Variants in NSMCE2 observed in about 807,000 individuals in gnomAD.
NSMCE2 encodes NSE2 SUMO ligase component of SMC5/6 complex.
Under a neutral mutation model 23.8 loss-of-function variants are expected in NSMCE2, and 24 were observed. That is an observed-to-expected ratio of 1.01 (90% CI 0.73 to 1.42). The LOEUF is 1.42. NSMCE2 is among the 40% of genes most tolerant of loss of function. The pLI is 0.00. For missense variants in NSMCE2, 284 were observed against 296.5 expected, an observed-to-expected ratio of 0.96 and a Z score of 0.31; for synonymous variants, 92 against 94.1, an observed-to-expected ratio of 0.98 and a Z score of 0.13.
intron 4 of NSMCE2, among the ~76,000 whole-genome samples, chr8:125,178,165 T>A (rs1037056749): frequency 9.2e-5 from 14 of 152,192 alleles, no homozygotes; most frequent in Admixed American, 3.3e-4. Context: ...ACTCTCATTA[T>A]CACTTTACCC....
At chr8:125,309,108 A>G (rs566079347) in intron 5 of NSMCE2, among the ~76,000 whole-genome samples, 1 of 152,250 alleles carries the variant, frequency 6.6e-6, no homozygotes, top group African/African-American at 2.4e-5. Context: ...TTAGTTGGGC[A>G]TGGTGGCGCA....
chr8:125,201,191 T>C (rs1823857687), intron 5 of NSMCE2, among the ~76,000 whole-genome samples: 1 of 152,234 alleles, frequency 6.6e-6, no homozygotes, highest in Non-Finnish European at 1.5e-5. Context: ...AAAGTCATTC[T>C]CCGTCCAGGT....
chr8:125,176,242 C>A lies in NSMCE2; in HGVS notation c.265-5861C>A, dbSNP rs571658905. Among the ~76,000 whole-genome samples the A allele has an allele frequency of 4.6e-5, 7 of 152,292 alleles. No individual in the cohort carries two copies. The South Asian group carries it at 6.2e-4, about 14-fold the overall frequency. ...TTGGAGTCAGCCTTTGCGCATATGT[C>A]TGCTCTTGCTAGAGTCTCTAGTGAC... On this transcript the variant is annotated intron_variant, in intron 4 of 7. Coordinates refer to ENST00000287437, the MANE Select transcript of NSMCE2 (RefSeq NM_173685.4).
At chr8:125,145,250 G>A (rs1214921016) in intron 3 of NSMCE2, among the ~76,000 whole-genome samples, 2 of 152,168 alleles carry the variant, frequency 1.3e-5, no homozygotes, top group African/African-American at 4.8e-5. Flanking sequence ...TTGTGCTTGT[G>A]ACTGGGGTCA....
At chr8:125,340,320 A>G (rs73336867) in intron 5 of NSMCE2, among the ~76,000 whole-genome samples, 15,100 of 152,210 alleles carry the variant, frequency 0.099, 1,525 homozygotes, top group African/African-American at 0.26. Flanking sequence ...TTGTGAAACT[A>G]GGTTAAAATT....
chr8:125,268,492 G>A (rs76232854), intron 5 of NSMCE2, among the ~76,000 whole-genome samples: 7,837 of 152,226 alleles, frequency 0.051, 278 homozygotes, highest in Middle Eastern at 0.099. Context: ...TAAAGGAAAA[G>A]ATGGTATATT....
At chr8:125,133,729 CA>C (rs546512323) in intron 3 of NSMCE2, among the ~76,000 whole-genome samples, 1 of 148,786 alleles carries the variant, frequency 6.7e-6, no homozygotes, top group African/African-American at 2.5e-5. Flanking sequence ...GACTCCATCT[CA>C]AAAAAACAAA....
At chr8:125,168,294 A>C (rs1390805115) in intron 4 of NSMCE2, among the ~76,000 whole-genome samples, 1 of 152,184 alleles carries the variant, frequency 6.6e-6, no homozygotes, top group Non-Finnish European at 1.5e-5. Context: ...TTTCTGTGTT[A>C]TAAGCTGCAT....
intron 5 of NSMCE2, among the ~76,000 whole-genome samples, chr8:125,238,926 C>A (rs1825660731): frequency 6.6e-6 from 1 of 152,162 alleles, no homozygotes; most frequent in Non-Finnish European, 1.5e-5. Flanking sequence ...TATATTGTTA[C>A]AGAGCTGTTC....
chr8:125,338,420 C>A (rs4512390), intron 5 of NSMCE2, among the ~76,000 whole-genome samples: 1 of 152,220 alleles, frequency 6.6e-6, no homozygotes, highest in South Asian at 2.1e-4. Flanking sequence ...TCTCACTTTT[C>A]TTTTGAAAAG....
chr8:125,282,341 T>C (rs1233128572), intron 5 of NSMCE2, among the ~76,000 whole-genome samples: 1 of 152,214 alleles, frequency 6.6e-6, no homozygotes, highest in African/African-American at 2.4e-5. Flanking sequence ...CTCGAACTCC[T>C]GACCTCAAGT....
chr8:125,100,998 A>G (rs368023213), intron 1 of NSMCE2, among the ~76,000 whole-genome samples: 2 of 152,232 alleles, frequency 1.3e-5, no homozygotes, highest in African/African-American at 4.8e-5. Context: ...TTCTCATGCT[A>G]AAGGAAGTGC....
At chr8:125,195,172 C>T (rs1823556263) in intron 5 of NSMCE2, among the ~76,000 whole-genome samples, 1 of 152,050 alleles carries the variant, frequency 6.6e-6, no homozygotes, top group African/African-American at 2.4e-5. Context: ...CGGAGGTGCT[C>T]ACCCATCCCT....
chr8:125,121,735 A>ACC (rs1819272128), intron 3 of NSMCE2, among the ~76,000 whole-genome samples: 3 of 152,206 alleles, frequency 2.0e-5, no homozygotes, highest in Admixed American at 2.0e-4. Flanking sequence ...CTGGCATGTT[A>ACC]TAAATGCCTT....
intron 5 of NSMCE2, among the ~76,000 whole-genome samples, chr8:125,225,930 G>A (rs1825072962): frequency 6.6e-6 from 1 of 152,150 alleles, no homozygotes; most frequent in South Asian, 2.1e-4. Flanking sequence ...ATTTCCAAAA[G>A]ATGAATTTTA....
intron 5 of NSMCE2, among the ~76,000 whole-genome samples, chr8:125,195,879 C>CT (rs34687223): frequency 0.036 from 3,040 of 83,724 alleles, 120 homozygotes; most frequent in Middle Eastern, 0.073. Context: ...TCCTGAATAA[C>CT]TTTTTTTTTT....
intron 3 of NSMCE2, among the ~76,000 whole-genome samples, chr8:125,148,029 G>A (rs1343705744): frequency 2.6e-5 from 4 of 152,102 alleles, no homozygotes; most frequent in Non-Finnish European, 4.4e-5. Flanking sequence ...ACAGTTATCT[G>A]ACGGCACTGC....
At chr8:125,173,691 CTT>C (rs1563696956) in intron 4 of NSMCE2, among the ~76,000 whole-genome samples, 1 of 152,138 alleles carries the variant, frequency 6.6e-6, no homozygotes, top group East Asian at 1.9e-4. Flanking sequence ...GAATATGTGT[CTT>C]TTCATATGAA....
intron 4 of NSMCE2, among the ~76,000 whole-genome samples, chr8:125,175,263 C>T (rs1822427297): frequency 6.6e-6 from 1 of 152,124 alleles, no homozygotes; most frequent in African/African-American, 2.4e-5. Context: ...TAATGCCTGG[C>T]ACCCAACTGG....
Sources: allele counts gnomAD v4.1 joint callset (sites outside exome capture counted in the v4.1 genomes callset), GRCh38; gene constraint gnomAD v4.1.1; transcripts MANE v1.5; gene names NCBI Gene and HGNC (gene_info 2026-07-23, HGNC 2026-07-21).